TTC24: variants seen among roughly 807,000 people sequenced by gnomAD.
The protein encoded by TTC24 is tetratricopeptide repeat protein 24.
TTC24 carries 54 observed loss-of-function variants against 63.3 expected under a neutral mutation model. The observed-to-expected ratio is 0.85, with a 90% CI of 0.69 to 1.07. The LOEUF is 1.07. Among genes scored for constraint, TTC24 ranks in the 50% least tolerant of loss-of-function variants. The pLI, the probability that TTC24 is intolerant of heterozygous loss-of-function variation, is 0.00. For missense variants in TTC24, 680 were observed against 730.5 expected (o/e 0.93, Z 0.80); for synonymous variants, 276 against 304.3 (o/e 0.91, Z 0.97).
intron 1 of TTC24, among the ~76,000 whole-genome samples, chr1:156,580,626 C>T (rs544206103): frequency 1.2e-3 from 187 of 152,094 alleles, no homozygotes; most frequent in South Asian, 2.1e-3. Flanking sequence ...TACAGGCGCC[C>T]GCCACCACGC....
chr1:156,585,336 C>G, intron 8 of TTC24, 105 bp downstream of exon 8: 1 of 929,974 alleles, frequency 1.1e-6, no homozygotes, highest in Middle Eastern at 2.6e-4. Context: ...CCCACCATCC[C>G]GCCTTCCTGT....
In TTC24 at chr1:156,581,609, C is replaced by A; in HGVS notation, c.245C>A (p.Ala82Asp). 1 of 1,551,778 alleles carries A rather than the reference C, an allele frequency of 6.4e-7. No individual in the cohort carries two copies. Among genetic ancestry groups the A allele is most frequent in the Non-Finnish European group, 8.7e-7 (1 of 1,147,008 alleles). ...TRDTPVLQAC[A>D]FNLGAAYVET... is the part of the protein sequence containing the mutation. ...GATACCCCTGTGCTCCAGGCCTGCG[C>A]CTTCAACCTGGGGGCTGCCTATGTG... The change falls in exon 2 of 11, where the codon GCC (alanine) becomes GAC (aspartate). Residue 82 changes from alanine (A) to aspartate (D), a missense_variant. Ala to Asp is a moderately radical substitution (Grantham distance 126). Transcript: ENST00000368236.
chr1:156,582,621 C>T (rs1571383202), intron 3 of TTC24, among the ~76,000 whole-genome samples, 187 bp downstream of exon 3: 1 of 152,080 alleles, frequency 6.6e-6, no homozygotes, highest in East Asian at 1.9e-4. Context: ...GGTTGTGGGC[C>T]CAGAGGCCGA....
rs768062225 is a variant in TTC24, at chr1:156,583,120, A to G, written c.989A>G (p.Lys330Arg). ...AFALSQLGDHKAARDNYLHAL... is the reference protein window; with the variant it reads ...AFALSQLGDHRAARDNYLHAL... ...GCATTGAGCCAGCTGGGGGACCACA[A>G]GGCTGCCAGAGACAACTACCTGCAT... The change falls in exon 4 of 11, where the codon AAG becomes AGG. Residue 330 changes from lysine to arginine, a missense_variant. Transcript: ENST00000368236. The surrounding 1 kb of genome is among the most constrained non-coding windows in gnomAD (Gnocchi z 4.0). The G allele has an allele frequency of 6.2e-7, 1 of 1,613,644 alleles. No homozygotes were observed. The highest frequency in any genetic ancestry group is 1.7e-5 in the Admixed American group (1 of 59,986).
In TTC24 at chr1:156,586,505, C is replaced by T. The variant is rs1209034776; in HGVS notation, c.1704C>T (p.Ser568=). 6.2e-7 allele frequency: 1 copy of T among 1,613,042 alleles called. No individual in the cohort carries two copies. Among genetic ancestry groups the T allele is most frequent in the African/African-American group, 1.3e-5 (1 of 74,296 alleles). Residue 568 remains serine (S), a synonymous_variant, in exon 11 of 11, where the codon AGC becomes AGT. Transcript: ENST00000368236. ...GGCCCAGGGAAAGCCTCAGCAGGAGCCGCCAGAGGAGACCCATGGAGTCGG... is the reference window on the plus strand; with the variant it reads ...GGCCCAGGGAAAGCCTCAGCAGGAGTCGCCAGAGGAGACCCATGGAGTCGG... ...SRWPRESLSR[S]RQRRPMESGI...
At position 156,585,341 on chromosome 1, in the gene TTC24, T is replaced by C. The variant is rs1279701583; in HGVS notation, c.1456+110T>C. Reference sequence around the variant, plus strand: ...TTATGCCCATCCCACCATCCCGCCTTCCTGTTGTCATTTCTTTGAGGCCTG... The same window carrying C: ...TTATGCCCATCCCACCATCCCGCCTCCCTGTTGTCATTTCTTTGAGGCCTG... On this transcript the variant is annotated intron_variant, in intron 8 of 10. Transcript: ENST00000368236. 9 of 901,794 alleles carry C rather than the reference T, an allele frequency of 1.0e-5. No homozygotes were observed. In the East Asian group the frequency reaches 1.9e-4, roughly 19 times the overall value. The allele number at this position is 901,794 out of a possible 1,614,324, so 55.9% of individuals were successfully genotyped here.
At position 156,581,624 on chromosome 1, in the gene TTC24, C is replaced by G. The variant is rs1394881750; in HGVS notation, c.260C>G (p.Ala87Gly). 2.6e-6 allele frequency: 4 copies of G among 1,551,758 alleles called. No individual in the cohort carries two copies. Among genetic ancestry groups the G allele is most frequent in the Non-Finnish European group, 3.5e-6 (4 of 1,147,010 alleles). Residue 87 changes from alanine (A) to glycine (G), a missense_variant, in exon 2 of 11, where the codon GCT (alanine) becomes GGT (glycine). Ala to Gly is a moderately conservative substitution (Grantham distance 60, BLOSUM62 0). Coordinates refer to ENST00000368236, the MANE Select transcript of TTC24 (RefSeq NM_001105669.4). ...VLQACAFNLG[A>G]AYVETGDPAR... The stretch of plus-strand genomic sequence containing the variant: ...CAGGCCTGCGCCTTCAACCTGGGGG[C>G]TGCCTATGTGGAGACTGGGGACCCA...
chr1:156,583,370 G>T lies in TTC24; in HGVS notation c.1072G>T (p.Gly358Cys). 6.2e-7 allele frequency: 1 copy of T among 1,612,530 alleles called. No homozygotes were observed. The highest frequency in any genetic ancestry group is 8.5e-7 in the Non-Finnish European group (1 of 1,179,388). ...DMKGQWQACE[G>C]LGAAAARLGQ... is the part of the protein sequence containing the mutation. Reference sequence around the variant, plus strand: ...GAAGGGACAGTGGCAGGCCTGTGAGGGTCTGGGGGCTGCTGCAGCCAGGCT... The same window carrying T: ...GAAGGGACAGTGGCAGGCCTGTGAGTGTCTGGGGGCTGCTGCAGCCAGGCT... Residue 358 changes from glycine to cysteine, a missense_variant, in exon 5 of 11, where the codon GGT (glycine) becomes TGT (cysteine). Coordinates refer to ENST00000368236, the MANE Select transcript of TTC24 (RefSeq NM_001105669.4). This position sits in a 1 kb window ranked among gnomAD's most constrained non-coding sequence, Gnocchi z 4.0.
chr1:156,583,976 T>G lies in TTC24; in HGVS notation c.1251+81T>G. ...GGGTTGGTGGTAAGCAGAGACGCTG[T>G]TCCCTGGGATGCTGCGCGCTTGGCC... On this transcript the variant is annotated intron_variant, in intron 6 of 10. Transcript: ENST00000368236. The surrounding 1 kb of genome is among the most constrained non-coding windows in gnomAD (Gnocchi z 4.0). The G allele has an allele frequency of 1.7e-6, 2 of 1,154,244 alleles. No individual in the cohort carries two copies. The highest frequency in any genetic ancestry group is 1.3e-5 in the South Asian group (1 of 75,182). 71.5% of individuals were successfully genotyped at this position (1,154,244 alleles called of 1,614,324 possible).
Position 156,581,757 on chromosome 1 carries a change from C to G in TTC24, c.393C>G (p.Gly131=). 1 of 1,551,722 alleles carries G rather than the reference C, an allele frequency of 6.4e-7. No homozygotes were observed. The highest frequency in any genetic ancestry group is 8.7e-7 in the Non-Finnish European group (1 of 1,146,996). Residue 131 remains glycine (G), a synonymous_variant, in exon 2 of 11, where the codon GGC becomes GGG. Transcript: ENST00000368236. The part of the protein sequence containing the change: ...FNVALAYHAL[G]ELPQALAWYH... ...TGGCTTTGGCCTACCATGCCCTCGG[C>G]GAGCTGCCTCAAGCTTTGGCCTGGT...
Position 156,586,743 on chromosome 1 carries a change from C to T in TTC24, c.*193C>T. 1 of 443,662 alleles carries T rather than the reference C, an allele frequency of 2.3e-6. No individual in the cohort carries two copies. The highest frequency in any genetic ancestry group is 4.0e-6 in the Non-Finnish European group (1 of 246,958). The allele number at this position is 443,662 out of a possible 1,614,324, so 27.5% of individuals were successfully genotyped here. On this transcript the variant is annotated 3_prime_UTR_variant, in exon 11 of 11. Transcript: ENST00000368236. ...CGGCCCTGAGAGGTTCTGTTTGTTCCTCCTTGGGATTTTTGGACTCAGTAG... is the reference window on the plus strand; with the variant it reads ...CGGCCCTGAGAGGTTCTGTTTGTTCTTCCTTGGGATTTTTGGACTCAGTAG...
In TTC24 at chr1:156,584,919, C is replaced by G. The variant is rs1178662600; in HGVS notation, c.1294C>G (p.Gln432Glu). The change falls in exon 7 of 11, where the codon CAG (glutamine) becomes GAG (glutamate). Residue 432 changes from glutamine to glutamate, a missense_variant. Physicochemically the swap from Gln to Glu is conservative, Grantham distance 29. Transcript: ENST00000368236. ...GRLQAPGGAS[Q>E]AEGTPAKAGS... The stretch of plus-strand genomic sequence containing the variant: ...ACTCCAGGCTCCAGGTGGGGCCAGC[C>G]AGGCGGAGGGGACCCCAGCAAAGGC... The G allele has an allele frequency of 1.2e-6, 2 of 1,602,796 alleles. No individual in the cohort carries two copies. Among genetic ancestry groups the G allele is most frequent in the Non-Finnish European group, 1.7e-6 (2 of 1,175,020 alleles).
intron 1 of TTC24, among the ~76,000 whole-genome samples, chr1:156,580,957 T>C (rs1046921834): frequency 4.6e-5 from 7 of 152,332 alleles, no homozygotes; most frequent in African/African-American, 1.7e-4. Flanking sequence ...TTATTGAGAA[T>C]CTACTGTGTG....
Position 156,583,313 on chromosome 1 carries a change from AC to A in TTC24, c.1040-23del. 1 of 1,601,770 alleles carries A rather than the reference AC, an allele frequency of 6.2e-7. No homozygotes were observed. Among genetic ancestry groups the A allele is most frequent in the Non-Finnish European group, 8.5e-7 (1 of 1,172,732 alleles). On this transcript the variant is annotated intron_variant, in intron 4 of 10. Transcript: ENST00000368236. This position sits in a 1 kb window ranked among gnomAD's most constrained non-coding sequence, Gnocchi z 4.0. ...CAGTGGGGTAGGAAGTCATGAAAGG[AC>A]CTTCCAGGCTCTCTTTCTCTCAGGG...
At chr1:156,584,223 A>G (rs933157984) in intron 6 of TTC24, among the ~76,000 whole-genome samples, 31 of 152,188 alleles carry the variant, frequency 2.0e-4, no homozygotes, top group African/African-American at 7.5e-4. Flanking sequence ...CAGGATGGAG[A>G]TGTGCTCCAA....
At position 156,581,579 on chromosome 1, in the gene TTC24, C is replaced by T. The variant is rs755267652; in HGVS notation, c.215C>T (p.Thr72Ile). The T allele has an allele frequency of 2.6e-6, 4 of 1,551,518 alleles. No individual in the cohort carries two copies. The highest frequency in any genetic ancestry group is 4.9e-5 in the East Asian group (2 of 40,932). Residue 72 changes from threonine to isoleucine, a missense_variant, in exon 2 of 11, where the codon ACC (threonine) becomes ATC (isoleucine). Thr to Ile is a moderately conservative substitution (Grantham distance 89, BLOSUM62 -1). Coordinates refer to ENST00000368236, the MANE Select transcript of TTC24 (RefSeq NM_001105669.4). ...AFLLASKAPQTRDTPVLQACA... is the reference protein window; with the variant it reads ...AFLLASKAPQIRDTPVLQACA... ...CTTCTGGCCTCCAAGGCCCCACAAACCAGGGATACCCCTGTGCTCCAGGCC... is the reference window on the plus strand; with the variant it reads ...CTTCTGGCCTCCAAGGCCCCACAAATCAGGGATACCCCTGTGCTCCAGGCC...
chr1:156,583,444 G>A lies in TTC24; in HGVS notation c.1146G>A (p.Gln382=), dbSNP rs750588810. The change falls in exon 5 of 11, where the codon CAG becomes CAA. Residue 382 remains glutamine, a synonymous_variant. Coordinates refer to ENST00000368236, the MANE Select transcript of TTC24 (RefSeq NM_001105669.4). This position sits in a 1 kb window ranked among gnomAD's most constrained non-coding sequence, Gnocchi z 4.0. ...AGTACTATAAGGAAGCACTGGCCCA[G>A]TGTCAGGTGAGACCCCGCACACCGG... ...ALKYYKEALA[Q]CQKEPDSVRE... The A allele has an allele frequency of 3.2e-5, 51 of 1,598,036 alleles. No individual in the cohort carries two copies. In the East Asian group the frequency reaches 1.1e-3, roughly 36 times the overall value.
chr1:156,580,718 T>C (rs11807813), intron 1 of TTC24, among the ~76,000 whole-genome samples: 19,486 of 152,080 alleles, frequency 0.13, 2,867 homozygotes, highest in African/African-American at 0.36. Flanking sequence ...CCTCGTGATC[T>C]GCCCACCTCA....
chr1:156,584,374 T>G (rs554997204), intron 6 of TTC24, among the ~76,000 whole-genome samples: 4 of 152,258 alleles, frequency 2.6e-5, no homozygotes, highest in African/African-American at 9.6e-5. Flanking sequence ...TCCAACCGCC[T>G]CCTCCTTCAC....
Sources: allele counts gnomAD v4.1 joint callset (sites outside exome capture counted in the v4.1 genomes callset), GRCh38; gene constraint gnomAD v4.1.1; non-coding constraint Gnocchi (gnomAD v3.1); transcripts MANE v1.5; gene names NCBI Gene and HGNC (gene_info 2026-07-23, HGNC 2026-07-21).